Variants in RIMS1 observed in about 807,000 individuals in gnomAD.
The protein encoded by RIMS1 is regulating synaptic membrane exocytosis protein 1.
A neutral mutation model predicts 214.1 loss-of-function variants in RIMS1; 83 were observed. That is an observed-to-expected ratio of 0.39 (90% CI 0.32 to 0.47). The LOEUF (loss-of-function observed/expected upper bound fraction) is 0.47, where lower values mean the gene tolerates loss of function less well. Among genes scored for constraint, RIMS1 ranks in the 20% least tolerant of loss-of-function variants. RIMS1 has a pLI of 0.99. For missense variants in RIMS1, 2,050 were observed against 2,161.8 expected, an observed-to-expected ratio of 0.95 and a Z score of 1.03; for synonymous variants, 793 against 786.8, an observed-to-expected ratio of 1.01 and a Z score of -0.13.
intron 4 of RIMS1, among the ~76,000 whole-genome samples, chr6:72,117,047 A>G (rs2037221821): frequency 1.3e-5 from 2 of 151,938 alleles, no homozygotes; most frequent in Non-Finnish European, 2.9e-5. Context: ...GATTTGCTCT[A>G]TGCTTGTCTT....
At chr6:72,067,741 A>T (rs957163572) in intron 2 of RIMS1, among the ~76,000 whole-genome samples, 5 of 152,236 alleles carry the variant, frequency 3.3e-5, no homozygotes, top group Non-Finnish European at 5.9e-5. Context: ...TCAAAATAAG[A>T]ATAAATGAAT....
At chr6:72,329,086 CAGAA>C (rs1182529587) in intron 28 of RIMS1, among the ~76,000 whole-genome samples, 1 of 151,718 alleles carries the variant, frequency 6.6e-6, no homozygotes, top group African/African-American at 2.4e-5. Context: ...AAAAAGAAAA[CAGAA>C]AGAAGACTGT....
chr6:72,368,333 G>T (rs895009989), intron 29 of RIMS1, among the ~76,000 whole-genome samples: 2 of 118,754 alleles, frequency 1.7e-5, no homozygotes, highest in South Asian at 2.7e-4. Context: ...ACAGAGTCTC[G>T]CTCTGTCACC....
At chr6:71,928,017 A>G (rs1014106443) in intron 1 of RIMS1, among the ~76,000 whole-genome samples, 11 of 152,106 alleles carry the variant, frequency 7.2e-5, no homozygotes, top group Admixed American at 4.6e-4. Context: ...GGAATCTTAC[A>G]TTTTTCAAAT....
At chr6:72,385,334 T>C (rs1365027263) in intron 29 of RIMS1, among the ~76,000 whole-genome samples, 1 of 152,244 alleles carries the variant, frequency 6.6e-6, no homozygotes, top group Non-Finnish European at 1.5e-5. Context: ...ATATTTGTTA[T>C]AATTACAGTA....
rs140943787 is a variant in RIMS1 at position 72,307,366 on chromosome 6, C to A, written c.3959C>A (p.Ser1320Tyr). 113 of 1,583,572 alleles carry A rather than the reference C, an allele frequency of 7.1e-5. 1 individual carries two copies. Among genetic ancestry groups the A allele is most frequent in the Admixed American group, 1.4e-4 (8 of 57,056 alleles). Residue 1320 changes from serine (S) to tyrosine (Y), a missense_variant, in exon 27 of 34, where the codon TCC becomes TAC. By Grantham distance (144) the Ser-to-Tyr change is moderately radical. Around this residue, in one of 6 missense-constraint regions of RIMS1, gnomAD observed 889 missense variants for 885.5 expected, o/e 1.00. Coordinates refer to ENST00000521978, the MANE Select transcript of RIMS1 (RefSeq NM_014989.7). ...CAAGAACTTGATCGCGAGCAATATT[C>A]CAAGGTAAAATTAGTAGTATCCAAC... Reference protein sequence around the residue: ...SSQELDREQYSKYNIHKDQYR... With the variant: ...SSQELDREQYYKYNIHKDQYR...
chr6:71,942,730 G>A (rs1464199420), intron 1 of RIMS1, among the ~76,000 whole-genome samples: 1 of 151,716 alleles, frequency 6.6e-6, no homozygotes, highest in Admixed American at 6.6e-5. Context: ...AATTAGCTTT[G>A]AATCAAGAAT....
At chr6:72,279,786 AG>A (rs1446773065) in intron 23 of RIMS1, among the ~76,000 whole-genome samples, 1 of 151,972 alleles carries the variant, frequency 6.6e-6, no homozygotes, top group East Asian at 1.9e-4. Context: ...GGTCTATCAT[AG>A]CTTGGATGAG....
At chr6:72,389,517 A>G (rs2098668162) in intron 29 of RIMS1, among the ~76,000 whole-genome samples, 1 of 152,208 alleles carries the variant, frequency 6.6e-6, no homozygotes. Context: ...TGAGAGGGAA[A>G]AAATGCAGTG....
At chr6:72,158,151 T>C (rs748503762) in intron 4 of RIMS1, among the ~76,000 whole-genome samples, 1 of 140,992 alleles carries the variant, frequency 7.1e-6, no homozygotes, top group Non-Finnish European at 1.6e-5. Context: ...TCATTTTCCT[T>C]CAGCTAAAAA....
At chr6:72,037,357 G>C (rs945706792) in intron 2 of RIMS1, among the ~76,000 whole-genome samples, 2 of 152,096 alleles carry the variant, frequency 1.3e-5, no homozygotes, top group Non-Finnish European at 2.9e-5. Flanking sequence ...AATGAGAAAT[G>C]TAATCCAGGG....
intron 6 of RIMS1, among the ~76,000 whole-genome samples, chr6:72,198,046 G>T (rs1819065): frequency 0.53 from 79,909 of 151,778 alleles, 22,757 homozygotes; most frequent in East Asian, 0.83. Context: ...TCAAAATTTT[G>T]AGATTTCTCT....
At chr6:72,186,811 T>A (rs2049177914) in intron 6 of RIMS1, among the ~76,000 whole-genome samples, 1 of 150,270 alleles carries the variant, frequency 6.7e-6, no homozygotes, top group South Asian at 2.2e-4. Flanking sequence ...CCGAACAATC[T>A]CATACTATAT....
At chr6:72,115,760 C>CGA (rs2153824599) in intron 4 of RIMS1, among the ~76,000 whole-genome samples, 1 of 151,840 alleles carries the variant, frequency 6.6e-6, no homozygotes, top group Non-Finnish European at 1.5e-5. Flanking sequence ...AATCACAGCT[C>CGA]GAGGTTCATT....
At chr6:72,233,933 A>C (rs1437206258) in intron 7 of RIMS1, 93 bp downstream of exon 7, 1 of 801,648 alleles carries the variant, frequency 1.2e-6, no homozygotes, top group Non-Finnish European at 2.1e-6. Flanking sequence ...TCTATTATTC[A>C]TTTGGTAAGG....
At chr6:72,261,539 A>T in intron 19 of RIMS1, 1 of 920,560 alleles carries the variant, frequency 1.1e-6, no homozygotes, top group African/African-American at 1.8e-5. Flanking sequence ...ATAAATACTT[A>T]ATGTATATTT....
chr6:72,331,729 G>A (rs947754428), intron 28 of RIMS1, among the ~76,000 whole-genome samples: 10 of 151,736 alleles, frequency 6.6e-5, no homozygotes, highest in Non-Finnish European at 8.8e-5. Flanking sequence ...TCTCATTTGT[G>A]TCTCAAAAAA....
intron 2 of RIMS1, among the ~76,000 whole-genome samples, chr6:71,990,134 G>A (rs1466188607): frequency 6.6e-6 from 1 of 151,988 alleles, no homozygotes; most frequent in Non-Finnish European, 1.5e-5. Context: ...ATTTTATGTA[G>A]TTATATATTT....
intron 1 of RIMS1, among the ~76,000 whole-genome samples, chr6:71,956,748 C>T (rs1182479088): frequency 6.6e-6 from 1 of 152,050 alleles, no homozygotes; most frequent in Admixed American, 6.6e-5. Context: ...ATGGAGTCCT[C>T]TTGTGGTTTA....
Sources: allele counts gnomAD v4.1 joint callset (sites outside exome capture counted in the v4.1 genomes callset), GRCh38; gene constraint gnomAD v4.1.1; regional missense constraint gnomAD v4.1.1; transcripts MANE v1.5; gene names NCBI Gene and HGNC (gene_info 2026-07-23, HGNC 2026-07-21).